SHISA9: variants seen among roughly 807,000 people sequenced by gnomAD.
SHISA9 encodes the protein protein shisa-9.
SHISA9 carries 13 observed loss-of-function variants against 38.0 expected under a neutral mutation model. The ratio of observed to expected loss-of-function variants is 0.34; its 90% CI spans 0.22 to 0.54. The LOEUF (loss-of-function observed/expected upper bound fraction) is 0.54, where lower values mean the gene tolerates loss of function less well. SHISA9 is among the 20% of genes least tolerant of loss of function. The pLI is 0.91. For missense variants in SHISA9, 538 were observed against 575.8 expected, an observed-to-expected ratio of 0.93 and a Z score of 0.67; for synonymous variants, 275 against 242.0, an observed-to-expected ratio of 1.14 and a Z score of -1.27.
chr16:13,481,117 C>G, the SHISA9 span, among the ~76,000 whole-genome samples: 1 of 152,162 alleles, frequency 6.6e-6, no homozygotes, highest in Non-Finnish European at 1.5e-5. Context: ...TTTGCTAAGC[C>G]TCAAACCTTT....
intron 2 of SHISA9, among the ~76,000 whole-genome samples, chr16:13,035,435 A>G (rs2073044056): frequency 6.6e-6 from 1 of 152,104 alleles, no homozygotes; most frequent in South Asian, 2.1e-4. Context: ...TTGGTGATAG[A>G]GGTTTGTCCA....
At chr16:13,403,732 C>T in the SHISA9 span, among the ~76,000 whole-genome samples, 7 of 152,172 alleles carry the variant, frequency 4.6e-5, no homozygotes, top group African/African-American at 1.2e-4. Context: ...GACAGAGTGA[C>T]GCCTTTCTAA....
chr16:13,177,094 T>C (rs1462403392), intron 2 of SHISA9, among the ~76,000 whole-genome samples: 1 of 152,184 alleles, frequency 6.6e-6, no homozygotes, highest in African/African-American at 2.4e-5. Flanking sequence ...GAAAGATCTG[T>C]GATCCAAGGT....
chr16:13,267,086 T>A, the SHISA9 span, among the ~76,000 whole-genome samples: 2 of 152,186 alleles, frequency 1.3e-5, no homozygotes, highest in Non-Finnish European at 2.9e-5. Flanking sequence ...ATGTAGTTGA[T>A]TGTATTTTTA....
At chr16:13,552,568 G>A in the SHISA9 span, among the ~76,000 whole-genome samples, 2 of 151,864 alleles carry the variant, frequency 1.3e-5, no homozygotes, top group African/African-American at 2.4e-5. Flanking sequence ...TATTAATATC[G>A]CCATTTCGCA....
the SHISA9 span, among the ~76,000 whole-genome samples, chr16:13,469,365 A>AAAAGAAAGAAAGAAAG: frequency 2.6e-3 from 166 of 64,518 alleles, 3 homozygotes; most frequent in Non-Finnish European, 2.9e-3. Flanking sequence ...AAAGAAAAGA[A>AAAAGAAAGAAAGAAAG]AAAGAAAGAA....
chr16:13,156,397 TCC>T (rs2050547209), intron 2 of SHISA9, among the ~76,000 whole-genome samples: 1 of 152,170 alleles, frequency 6.6e-6, no homozygotes, highest in Non-Finnish European at 1.5e-5. Flanking sequence ...ATGCACACAA[TCC>T]TGCCAACACT....
chr16:13,048,620 C>A (rs573561527), intron 2 of SHISA9, among the ~76,000 whole-genome samples: 1 of 152,286 alleles, frequency 6.6e-6, no homozygotes, highest in East Asian at 1.9e-4. Context: ...TAGGGTTTTA[C>A]CATGTTGGCC....
At chr16:13,041,703 A>G (rs2073133521) in intron 2 of SHISA9, among the ~76,000 whole-genome samples, 1 of 152,232 alleles carries the variant, frequency 6.6e-6, no homozygotes, top group Admixed American at 6.5e-5. Context: ...GCAAAATGCC[A>G]GAGCCGTGCC....
intron 2 of SHISA9, among the ~76,000 whole-genome samples, chr16:13,125,017 A>G (rs2050244151): frequency 6.6e-6 from 1 of 152,212 alleles, no homozygotes; most frequent in African/African-American, 2.4e-5. Context: ...TGAAATGACT[A>G]CAAAAACATG....
chr16:13,300,278 A>C, the SHISA9 span, among the ~76,000 whole-genome samples: 2 of 152,098 alleles, frequency 1.3e-5, no homozygotes, highest in African/African-American at 4.8e-5. Flanking sequence ...GTGGGATACT[A>C]TGATGTAACA....
the SHISA9 span, among the ~76,000 whole-genome samples, chr16:13,393,786 T>C: frequency 6.6e-5 from 10 of 152,126 alleles, no homozygotes. Flanking sequence ...GGCTTGAAGG[T>C]GGCTGGCTGT....
At chr16:12,928,548 C>T (rs537605836) in intron 2 of SHISA9, among the ~76,000 whole-genome samples, 2 of 152,144 alleles carry the variant, frequency 1.3e-5, no homozygotes, top group African/African-American at 2.4e-5. Flanking sequence ...TTCTCCAAGA[C>T]GGACATAAGG....
the SHISA9 span, among the ~76,000 whole-genome samples, chr16:13,275,012 A>C: frequency 6.6e-6 from 1 of 152,106 alleles, no homozygotes; most frequent in African/African-American, 2.4e-5. Context: ...ATCAAGTCTA[A>C]ATTCCTCACT....
chr16:13,437,490 C>A, the SHISA9 span, among the ~76,000 whole-genome samples: 1 of 152,054 alleles, frequency 6.6e-6, no homozygotes, highest in African/African-American at 2.4e-5. Flanking sequence ...AGAGGTGACC[C>A]CTTTTGCCCG....
At chr16:12,903,550 C>T (rs1166304232) in intron 1 of SHISA9, among the ~76,000 whole-genome samples, 1 of 151,876 alleles carries the variant, frequency 6.6e-6, no homozygotes, top group East Asian at 1.9e-4. Context: ...TAAATCGATT[C>T]GCAAACTCCG....
At chr16:13,397,521 A>G in the SHISA9 span, among the ~76,000 whole-genome samples, 1 of 151,956 alleles carries the variant, frequency 6.6e-6, no homozygotes, top group Non-Finnish European at 1.5e-5. Flanking sequence ...TGCAATCTTC[A>G]CCTCCTGGGT....
At chr16:12,985,873 G>A (rs767387012) in intron 2 of SHISA9, among the ~76,000 whole-genome samples, 17 of 152,160 alleles carry the variant, frequency 1.1e-4, no homozygotes, top group Non-Finnish European at 2.4e-4. Flanking sequence ...ATGCCTAAGA[G>A]TTTGTATCCT....
chr16:13,113,500 T>C (rs557956794), intron 2 of SHISA9, among the ~76,000 whole-genome samples: 1 of 152,314 alleles, frequency 6.6e-6, no homozygotes, highest in Admixed American at 6.5e-5. Context: ...AGCTTTGGTA[T>C]AGCATCTCTG....
Sources: gnomAD v4.1 joint callset for allele counts (sites outside exome capture counted in the v4.1 genomes callset) on GRCh38, gnomAD v4.1.1 for gene constraint, MANE v1.5 for transcripts, NCBI Gene and HGNC (gene_info 2026-07-23, HGNC 2026-07-21) for gene names.